Variants in AGO3 observed in about 807,000 individuals in gnomAD.
The protein encoded by AGO3 is argonaute RISC catalytic component 3, also known as protein argonaute-3.
Under a neutral mutation model 105.5 loss-of-function variants are expected in AGO3, and 16 were observed. The ratio of observed to expected loss-of-function variants is 0.15; its 90% CI spans 0.10 to 0.23. The LOEUF (loss-of-function observed/expected upper bound fraction) is 0.23, where lower values mean the gene tolerates loss of function less well. Among genes scored for constraint, AGO3 ranks in the 10% least tolerant of loss-of-function variants. The pLI is 1.00. For missense variants in AGO3, 534 were observed against 1,088.0 expected (o/e 0.49, Z 7.16); for synonymous variants, 340 against 367.3 (o/e 0.93, Z 0.85).
chr1:35,945,532 C>T (rs191429870), intron 1 of AGO3, among the ~76,000 whole-genome samples, 160 bp from the exon 2 acceptor site: 2 of 152,276 alleles, frequency 1.3e-5, no homozygotes, highest in East Asian at 1.9e-4. Flanking sequence ...GAGAGGAAAT[C>T]TGGGGTGACA....
In AGO3 at chr1:35,973,508, G is replaced by A. The variant is rs2148776138; in HGVS notation, c.655G>A (p.Asp219Asn). 6.4e-7 allele frequency: 1 copy of A among 1,573,094 alleles called. No individual in the cohort carries two copies. The highest frequency in any genetic ancestry group is 8.7e-7 in the Non-Finnish European group (1 of 1,154,964). ...CATGTGGAAAATGATGCTTAATATC[G>A]ATGGTAAGGGAACTAAAGCCATATT... ...PAMWKMMLNIDVSATAFYKAQ... is the reference protein window; with the variant it reads ...PAMWKMMLNINVSATAFYKAQ... The change falls in exon 5 of 19, where the codon GAT becomes AAT. Residue 219 changes from aspartate to asparagine, a missense_variant. Transcript: ENST00000373191.
intron 13 of AGO3, among the ~76,000 whole-genome samples, chr1:36,035,242 A>T (rs561296831): frequency 6.6e-6 from 1 of 152,168 alleles, no homozygotes; most frequent in African/African-American, 2.4e-5. Flanking sequence ...CTACAAAAAA[A>T]TAGAAAGATT....
Position 36,003,709 on chromosome 1 carries a change from A to AATAT in AGO3, c.659-605_659-602dup, listed in dbSNP as rs1235994406. Reference sequence around the variant, plus strand: ...AAGTCTGTCTCAAAAAAAAAAAAAAAATATATATATATATATATATATATA... The same window carrying AATAT: ...AAGTCTGTCTCAAAAAAAAAAAAAAAATATATATATATATATATATATATATATA... On this transcript the variant is annotated intron_variant, in intron 5 of 18. Coordinates refer to ENST00000373191, the MANE Select transcript of AGO3 (RefSeq NM_024852.4). 3.7e-3 allele frequency among the ~76,000 whole-genome samples: 372 copies of AATAT among 99,370 alleles called. 7 individuals are homozygous for AATAT. Among genetic ancestry groups the AATAT allele is most frequent in the Middle Eastern group, 0.011 (2 of 180 alleles). 65.2% of individuals were successfully genotyped at this position (99,370 alleles called of 152,430 possible). A position where few individuals can be genotyped will look rare whatever the true frequency, so the allele number is the denominator to read the frequency against.
intron 5 of AGO3, among the ~76,000 whole-genome samples, chr1:35,981,882 ACTT>A (rs1647059387): frequency 6.6e-6 from 1 of 151,874 alleles, no homozygotes; most frequent in African/African-American, 2.4e-5. Flanking sequence ...ATTCCTTTAT[ACTT>A]CTTGTCATTC....
intron 5 of AGO3, among the ~76,000 whole-genome samples, chr1:35,976,678 A>G (rs1340266328): frequency 6.6e-6 from 1 of 152,192 alleles, no homozygotes; most frequent in Non-Finnish European, 1.5e-5. Flanking sequence ...CCTTTTCAGC[A>G]TCTATGGAGC....
At chr1:35,984,172 T>G (rs1647116185) in intron 5 of AGO3, among the ~76,000 whole-genome samples, 1 of 152,032 alleles carries the variant, frequency 6.6e-6, no homozygotes, top group South Asian at 2.1e-4. Flanking sequence ...GGGAAACATA[T>G]CCAAAAAATA....
rs539012943 is a variant in AGO3 at position 36,014,213 on chromosome 1, T to C, written c.1406+165T>C. Among the ~76,000 whole-genome samples the C allele has an allele frequency of 5.9e-5, 9 of 151,812 alleles. No homozygotes were observed. In the East Asian group the frequency reaches 1.4e-3, roughly 23 times the overall value. On this transcript the variant is annotated intron_variant, in intron 11 of 18. Coordinates refer to ENST00000373191, the MANE Select transcript of AGO3 (RefSeq NM_024852.4). ...TCACTCTGTCACCCAGGCTGAAGTG[T>C]AGTGGCGTGATCCCAGCTCACTGCA...
chr1:35,934,848 C>T (rs968431245), intron 1 of AGO3, among the ~76,000 whole-genome samples: 2 of 152,102 alleles, frequency 1.3e-5, no homozygotes, highest in African/African-American at 4.8e-5. Flanking sequence ...GACGGGGTTT[C>T]ACCATGTTGG....
At chr1:36,004,556 AATT>A (rs1640251488) in intron 6 of AGO3, 81 bp downstream of exon 6, 1 of 1,280,166 alleles carries the variant, frequency 7.8e-7, no homozygotes, top group Non-Finnish European at 1.0e-6. Flanking sequence ...TTTCTTATAT[AATT>A]AAAATCTATG....
intron 11 of AGO3, among the ~76,000 whole-genome samples, chr1:36,014,404 C>T (rs907793595): frequency 4.0e-5 from 6 of 151,748 alleles, no homozygotes; most frequent in South Asian, 2.1e-4. Context: ...GTGATCTGCC[C>T]GCCTTGGCCC....
At chr1:36,039,768 TA>T (rs1642172223) in intron 14 of AGO3, 21 bp from the exon 15 acceptor site, 1 of 1,320,804 alleles carries the variant, frequency 7.6e-7, no homozygotes, top group African/African-American at 1.5e-5. Flanking sequence ...TTTATTTATT[TA>T]TTTTACTTTT....
chr1:36,003,709 A>AATATATATATATAT (rs1235994406), intron 5 of AGO3, among the ~76,000 whole-genome samples: 3 of 99,432 alleles, frequency 3.0e-5, no homozygotes, highest in Non-Finnish European at 5.8e-5. Context: ...AAAAAAAAAA[A>AATATATATATATAT]ATATATATAT....
At chr1:35,969,691 G>A (rs1646832956) in intron 3 of AGO3, among the ~76,000 whole-genome samples, 1 of 152,008 alleles carries the variant, frequency 6.6e-6, no homozygotes, top group Admixed American at 6.6e-5. Flanking sequence ...TGTGTCCTTG[G>A]GCAATTTTGT....
At chr1:35,932,811 CT>C (rs1253848597) in intron 1 of AGO3, among the ~76,000 whole-genome samples, 4 of 152,112 alleles carry the variant, frequency 2.6e-5, no homozygotes, top group Admixed American at 1.3e-4. Flanking sequence ...CATAGGTGAT[CT>C]TTGTACATAA....
At chr1:35,996,214 T>G (rs1461632225) in intron 5 of AGO3, among the ~76,000 whole-genome samples, 1 of 151,656 alleles carries the variant, frequency 6.6e-6, no homozygotes, top group African/African-American at 2.4e-5. Context: ...ATTCCCAGCT[T>G]CTTAGGAGGA....
intron 5 of AGO3, among the ~76,000 whole-genome samples, chr1:35,979,534 T>TGCTTATGTC (rs1647013021): frequency 6.6e-6 from 1 of 152,200 alleles, no homozygotes; most frequent in African/African-American, 2.4e-5. Flanking sequence ...TTGATTATGT[T>TGCTTATGTC]GCTTATGTCA....
intron 2 of AGO3, among the ~76,000 whole-genome samples, chr1:35,946,602 A>G (rs1646369349): frequency 6.6e-6 from 1 of 152,198 alleles, no homozygotes; most frequent in African/African-American, 2.4e-5. Flanking sequence ...AAGAGTCTTC[A>G]TTTAAGACAT....
intron 15 of AGO3, 53 bp from the exon 16 acceptor site, chr1:36,040,254 A>G: frequency 1.3e-6 from 2 of 1,557,010 alleles, no homozygotes; most frequent in Non-Finnish European, 1.8e-6. Flanking sequence ...ACTTTGAAGT[A>G]TATAAAAACA....
Position 36,055,718 on chromosome 1 carries a change from T to C in AGO3, c.2556T>C (p.Asp852=), listed in dbSNP as rs887330811. Residue 852 remains aspartate (D), a synonymous_variant, in exon 19 of 19, where the codon GAT becomes GAC. Coordinates refer to ENST00000373191, the MANE Select transcript of AGO3 (RefSeq NM_024852.4). The surrounding 1 kb of genome is among the most constrained non-coding windows in gnomAD (Gnocchi z 4.4). ...ALAKAVQIHQ[D]TLRTMYFA ...CCAAGGCTGTACAGATTCACCAAGA[T>C]ACCTTACGCACAATGTACTTCGCTT... The C allele has an allele frequency of 2.5e-6, 4 of 1,614,200 alleles. No individual in the cohort carries two copies. The highest frequency in any genetic ancestry group is 2.2e-5 in the South Asian group (2 of 91,078).
Sources: gnomAD v4.1 joint callset for allele counts (sites outside exome capture counted in the v4.1 genomes callset) on GRCh38, gnomAD v4.1.1 for gene constraint, Gnocchi (gnomAD v3.1) non-coding constraint, MANE v1.5 for transcripts, NCBI Gene and HGNC (gene_info 2026-07-23, HGNC 2026-07-21) for gene names.